The following RBFOX1 variants were observed in gnomAD, a reference collection of about 807,000 sequenced individuals.
The protein encoded by RBFOX1 is RNA binding fox-1 homolog 1, also known as RNA binding protein fox-1 homolog 1.
RBFOX1 carries 8 observed loss-of-function variants against 57.7 expected under a neutral mutation model. The ratio of observed to expected loss-of-function variants is 0.14; its 90% CI spans 0.08 to 0.25. The LOEUF (loss-of-function observed/expected upper bound fraction) is 0.25, where lower values mean the gene tolerates loss of function less well. Among genes scored for constraint, RBFOX1 ranks in the 10% least tolerant of loss-of-function variants. RBFOX1 has a pLI of 1.00. For missense variants in RBFOX1, 611 were observed against 548.5 expected, an observed-to-expected ratio of 1.11 and a Z score of -1.14; for synonymous variants, 326 against 222.4, an observed-to-expected ratio of 1.47 and a Z score of -4.15.
chr16:6,931,740 C>A (rs902343431), intron 3 of RBFOX1, among the ~76,000 whole-genome samples: 4 of 152,160 alleles, frequency 2.6e-5, no homozygotes, highest in Non-Finnish European at 5.9e-5. Flanking sequence ...TTGTGCAGAT[C>A]TCTTTGTTGT....
At chr16:6,405,196 T>A (rs973377268) in intron 2 of RBFOX1, among the ~76,000 whole-genome samples, 57 of 152,186 alleles carry the variant, frequency 3.7e-4, no homozygotes, top group African/African-American at 1.2e-3. Flanking sequence ...GATATATCTG[T>A]TATCCTATCA....
intron 4 of RBFOX1, among the ~76,000 whole-genome samples, chr16:7,149,600 C>A (rs576061937): frequency 1.3e-5 from 2 of 151,896 alleles, no homozygotes; most frequent in South Asian, 4.2e-4. Flanking sequence ...ATCCTCTCAC[C>A]CCAGCCTCCT....
rs1402211965 is a variant in RBFOX1, at chr16:6,625,239, CAATT to C, written c.-63-29362_-63-29359del. On this transcript the variant is annotated intron_variant, in intron 2 of 15. Transcript: ENST00000550418. ...CACACCCCCAAAACAATTTCACAAA[CAATT>C]ATTTAATTGCAGTTGAGTTAAGTGC... Among the ~76,000 whole-genome samples, 4 of 130,478 alleles carry C rather than the reference CAATT, an allele frequency of 3.1e-5. No individual in the cohort carries two copies. The East Asian group carries it at 1.1e-3, about 35-fold the overall frequency. The allele number at this position is 130,478 out of a possible 152,430, so 85.6% of individuals were successfully genotyped here.
At chr16:5,761,888 C>T (rs557343292) in intron 3 of RBFOX1, among the ~76,000 whole-genome samples, 20 of 152,196 alleles carry the variant, frequency 1.3e-4, no homozygotes, top group Non-Finnish European at 1.5e-5. Flanking sequence ...CTGGTCCTTA[C>T]ACAGCTTCCC....
chr16:6,364,596 C>A (rs1489307126), intron 2 of RBFOX1, among the ~76,000 whole-genome samples: 2 of 152,284 alleles, frequency 1.3e-5, no homozygotes, highest in African/African-American at 4.8e-5. Flanking sequence ...CACACACTTT[C>A]ATGTTGATGG....
intron 3 of RBFOX1, among the ~76,000 whole-genome samples, chr16:5,785,000 C>G (rs1219173880): frequency 6.6e-6 from 1 of 152,170 alleles, no homozygotes; most frequent in South Asian, 2.1e-4. Flanking sequence ...ACCTACTTCA[C>G]TGGGTTGTTG....
At chr16:7,304,190 G>T in intron 4 of RBFOX1, 1 of 972,182 alleles carries the variant, frequency 1.0e-6, no homozygotes, top group South Asian at 4.9e-5. Context: ...GGAGGAAAGA[G>T]GGGGAGAGAG....
At chr16:5,484,678 T>G (rs2069663303) in intron 2 of RBFOX1, among the ~76,000 whole-genome samples, 1 of 151,990 alleles carries the variant, frequency 6.6e-6, no homozygotes, top group South Asian at 2.1e-4. Context: ...TTTGGGAGAC[T>G]GAGGCGGGCG....
At chr16:6,913,936 A>C (rs532173567) in intron 3 of RBFOX1, among the ~76,000 whole-genome samples, 6 of 152,318 alleles carry the variant, frequency 3.9e-5, no homozygotes, top group African/African-American at 1.4e-4. Context: ...CTTGGGGTGA[A>C]GGATATTATA....
At chr16:6,875,424 T>C (rs1057487829) in intron 3 of RBFOX1, among the ~76,000 whole-genome samples, 2 of 152,192 alleles carry the variant, frequency 1.3e-5, no homozygotes, top group African/African-American at 2.4e-5. Context: ...TCATTTGCAA[T>C]GTGTGGCTTC....
intron 3 of RBFOX1, among the ~76,000 whole-genome samples, chr16:6,865,305 G>C (rs528860813): frequency 2.0e-5 from 3 of 151,988 alleles, no homozygotes; most frequent in Non-Finnish European, 2.9e-5. Flanking sequence ...GCCCGACCTG[G>C]AGTGGGTTTT....
intron 3 of RBFOX1, among the ~76,000 whole-genome samples, chr16:5,783,253 G>T (rs1391885629): frequency 6.6e-6 from 1 of 152,186 alleles, no homozygotes; most frequent in African/African-American, 2.4e-5. Context: ...AAATGCACCT[G>T]TGTAACTATC....
In RBFOX1 at chr16:5,999,050, G is replaced by A. The variant is rs140686464; in HGVS notation, c.351+131715G>A. Among the ~76,000 whole-genome samples the A allele has an allele frequency of 6.6e-4, 101 of 152,300 alleles. 1 individual carries two copies. In the East Asian group the frequency reaches 0.016, roughly 25 times the overall value. On this transcript the variant is annotated intron_variant, in intron 4 of 19. Coordinates refer to the RBFOX1 transcript ENST00000641259. ...ACACTCCATTAATCACAGACTGCCTGAGACCTCTGTTCAAGGAGCATGACA... is the reference window on the plus strand; with the variant it reads ...ACACTCCATTAATCACAGACTGCCTAAGACCTCTGTTCAAGGAGCATGACA...
At chr16:6,977,245 A>G (rs1045109829) in intron 3 of RBFOX1, among the ~76,000 whole-genome samples, 1 of 149,950 alleles carries the variant, frequency 6.7e-6, no homozygotes, top group Non-Finnish European at 1.5e-5. Flanking sequence ...ATTTAAAAAG[A>G]TCTTGGGCAG....
intron 4 of RBFOX1, among the ~76,000 whole-genome samples, chr16:7,332,161 G>A (rs2144359056): frequency 6.6e-6 from 1 of 152,360 alleles, no homozygotes; most frequent in African/African-American, 2.4e-5. Context: ...TCTGGAATGT[G>A]TTTGTAGCTT....
chr16:5,254,437 TA>T (rs2062532304), intron 1 of RBFOX1, among the ~76,000 whole-genome samples: 1 of 152,214 alleles, frequency 6.6e-6, no homozygotes, highest in Admixed American at 6.5e-5. Context: ...GACTCGCCTT[TA>T]GTAAAGACCT....
At chr16:7,392,918 A>G (rs911324238) in intron 4 of RBFOX1, among the ~76,000 whole-genome samples, 1 of 151,844 alleles carries the variant, frequency 6.6e-6, no homozygotes, top group African/African-American at 2.4e-5. Context: ...GTGTCCCCCA[A>G]GCTGGAGTGC....
At chr16:7,021,461 AAT>A (rs918146621) in intron 3 of RBFOX1, among the ~76,000 whole-genome samples, 1 of 145,442 alleles carries the variant, frequency 6.9e-6, no homozygotes, top group African/African-American at 2.5e-5. Context: ...ATTAATTTTT[AAT>A]ATAATTTATA....
chr16:7,262,534 T>G (rs1474269896), intron 4 of RBFOX1, among the ~76,000 whole-genome samples: 1 of 152,272 alleles, frequency 6.6e-6, no homozygotes, highest in African/African-American at 2.4e-5. Flanking sequence ...TTTGCAGGCA[T>G]GCATAGCACC....
Sources: gnomAD v4.1 joint callset for allele counts (sites outside exome capture counted in the v4.1 genomes callset) on GRCh38, gnomAD v4.1.1 for gene constraint, MANE v1.5 for transcripts, NCBI Gene and HGNC (gene_info 2026-07-23, HGNC 2026-07-21) for gene names.